APOLD1: variants seen among roughly 807,000 people sequenced by gnomAD.
APOLD1 encodes the protein apolipoprotein L domain containing 1.
A neutral mutation model predicts 15.3 loss-of-function variants in APOLD1; 22 were observed. The observed-to-expected ratio is 1.44, with a 90% CI of 1.03 to 2.05. APOLD1 has a LOEUF of 2.05. Among genes scored for constraint, APOLD1 ranks in the 30% most tolerant of loss-of-function variants. The pLI is 0.00. For synonymous variants in APOLD1, 190 were observed against 167.4 expected (o/e 1.13, Z -1.04); for missense variants, 394 against 353.5 (o/e 1.11, Z -0.92).
intron 1 of APOLD1, among the ~76,000 whole-genome samples, chr12:12,763,600 TCAGG>T (rs1398308884): frequency 6.6e-6 from 1 of 152,170 alleles, no homozygotes; most frequent in African/African-American, 2.4e-5. Flanking sequence ...TTGCATTCTA[TCAGG>T]TATTATAAGT....
At chr12:12,758,811 G>A (rs1318023140) in intron 1 of APOLD1, among the ~76,000 whole-genome samples, 1 of 152,076 alleles carries the variant, frequency 6.6e-6, no homozygotes, top group African/African-American at 2.4e-5. Context: ...AGCAATCTCG[G>A]CATATGATTT....
intron 1 of APOLD1, among the ~76,000 whole-genome samples, chr12:12,778,497 C>G (rs1279854387): frequency 6.9e-6 from 1 of 145,466 alleles, no homozygotes; most frequent in African/African-American, 2.5e-5. Flanking sequence ...TTTTTAATTT[C>G]TTTTTTTTTT....
At chr12:12,785,183 C>T (rs1316238965), upstream of APOLD1, among the ~76,000 whole-genome samples, 1 of 152,180 alleles carries the variant, frequency 6.6e-6, no homozygotes, top group East Asian at 1.9e-4. Context: ...TCCAGCCACT[C>T]ACAGATTCAC....
At position 12,789,771 on chromosome 12, in the gene APOLD1, T is replaced by C. The variant is rs1447220090; in HGVS notation, c.*2119T>C. On this transcript the variant is annotated 3_prime_UTR_variant, in exon 2 of 2. Transcript: ENST00000356591. Reference sequence around the variant, plus strand: ...CAAAAACGGTGCCTCTGTTACTTAATTATTTAATATTCTATAAATGTACCC... The same window carrying C: ...CAAAAACGGTGCCTCTGTTACTTAACTATTTAATATTCTATAAATGTACCC... The C allele has an allele frequency of 1.3e-5, 2 of 152,240 alleles. No individual in the cohort carries two copies. The highest frequency in any genetic ancestry group is 1.5e-5 in the Non-Finnish European group (1 of 68,046). The allele number at this position is 152,240 out of a possible 1,614,324, so 9.4% of individuals were successfully genotyped here.
At chr12:12,761,811 A>G (rs1242170971) in intron 1 of APOLD1, among the ~76,000 whole-genome samples, 2 of 125,464 alleles carry the variant, frequency 1.6e-5, no homozygotes, top group Non-Finnish European at 3.2e-5. Context: ...ACATGAACAT[A>G]TACATATATG....
intron 1 of APOLD1, among the ~76,000 whole-genome samples, chr12:12,764,155 G>C (rs141422652): frequency 1.3e-3 from 202 of 152,252 alleles, no homozygotes; most frequent in Non-Finnish European, 1.7e-3. Context: ...TAGTGACAGG[G>C]TTTCGCCATG....
chr12:12,749,234 A>G (rs1168709340), intron 1 of APOLD1, among the ~76,000 whole-genome samples: 1 of 152,062 alleles, frequency 6.6e-6, no homozygotes, highest in Non-Finnish European at 1.5e-5. Context: ...CAGTGCTATG[A>G]TCATTTTACA....
At chr12:12,754,433 C>T (rs1287205986) in intron 1 of APOLD1, among the ~76,000 whole-genome samples, 1 of 151,582 alleles carries the variant, frequency 6.6e-6, no homozygotes, top group African/African-American at 2.4e-5. Flanking sequence ...GCCTTTCCTA[C>T]CAGACATCTA....
At chr12:12,744,289 A>T (rs1275488970) in intron 1 of APOLD1, among the ~76,000 whole-genome samples, 1 of 147,338 alleles carries the variant, frequency 6.8e-6, no homozygotes, top group Non-Finnish European at 1.5e-5. Flanking sequence ...AGCCTGGGCA[A>T]TAGAGCCAGA....
chr12:12,763,507 T>A (rs796910582), intron 1 of APOLD1, among the ~76,000 whole-genome samples: 3 of 68,036 alleles, frequency 4.4e-5, no homozygotes, highest in African/African-American at 8.4e-5. Context: ...ATTGAAAATA[T>A]TGTGTGTGGG....
At chr12:12,756,180 G>A (rs980100999) in intron 1 of APOLD1, among the ~76,000 whole-genome samples, 3 of 152,194 alleles carry the variant, frequency 2.0e-5, no homozygotes, top group Admixed American at 6.5e-5. Context: ...AAAAGCCCAC[G>A]TGACTGCATG....
chr12:12,756,513 TA>T (rs2136383202), intron 1 of APOLD1, among the ~76,000 whole-genome samples: 1 of 152,336 alleles, frequency 6.6e-6, no homozygotes, highest in East Asian at 1.9e-4. Context: ...TTTTGTATTT[TA>T]AAAAATTGTG....
intron 1 of APOLD1, among the ~76,000 whole-genome samples, chr12:12,757,489 A>G (rs1455226699): frequency 6.6e-6 from 1 of 152,212 alleles, no homozygotes; most frequent in Non-Finnish European, 1.5e-5. Context: ...TTAAACTGAA[A>G]CATAAAACAC....
chr12:12,733,229 G>A (rs972504780), intron 1 of APOLD1, among the ~76,000 whole-genome samples: 1 of 151,852 alleles, frequency 6.6e-6, no homozygotes, highest in Admixed American at 6.6e-5. Context: ...AGAAGGTTGA[G>A]GTAGGAGGAT....
intron 1 of APOLD1, among the ~76,000 whole-genome samples, chr12:12,777,101 C>T (rs1269139488): frequency 2.0e-5 from 3 of 152,186 alleles, no homozygotes; most frequent in South Asian, 4.1e-4. Context: ...CTTTCCCTGA[C>T]ATAGCAATCC....
intron 1 of APOLD1, among the ~76,000 whole-genome samples, chr12:12,770,867 A>C (rs1003727066): frequency 2.0e-5 from 3 of 152,042 alleles, no homozygotes; most frequent in African/African-American, 7.2e-5. Context: ...TAGAAACCAG[A>C]GGTTTAAAAA....
chr12:12,726,374 G>C, intron 1 of APOLD1: 1 of 518,378 alleles, frequency 1.9e-6, no homozygotes, highest in Non-Finnish European at 3.6e-6. Flanking sequence ...TGATTTCTGG[G>C]TACGGAAATT....
chr12:12,787,643 G>T lies in APOLD1; in HGVS notation c.738G>T (p.Leu246=). 3 of 1,589,600 alleles carry T rather than the reference G, an allele frequency of 1.9e-6. No homozygotes were observed. ...TCTCTGCTGACCAGCGTGCAGGGCTGTTTTTCTGAGAACATCCTTTCCCCC... is the reference window on the plus strand; with the variant it reads ...TCTCTGCTGACCAGCGTGCAGGGCTTTTTTTCTGAGAACATCCTTTCCCCC... The part of the protein sequence containing the change: ...LKISADQRAG[L]FF Residue 246 remains leucine (L), a synonymous_variant, in exon 2 of 2, where the codon CTG becomes CTT. Transcript: ENST00000356591. This position sits in a 1 kb window ranked among gnomAD's most constrained non-coding sequence, Gnocchi z 4.9.
At chr12:12,754,762 G>A (rs1946843480) in intron 1 of APOLD1, among the ~76,000 whole-genome samples, 1 of 151,712 alleles carries the variant, frequency 6.6e-6, no homozygotes. Context: ...GTTATTGGCT[G>A]GACATGGTGG....
Sources: allele counts gnomAD v4.1 joint callset (sites outside exome capture counted in the v4.1 genomes callset), GRCh38; gene constraint gnomAD v4.1.1; non-coding constraint Gnocchi (gnomAD v3.1); transcripts MANE v1.5; gene names NCBI Gene and HGNC (gene_info 2026-07-23, HGNC 2026-07-21).